The following HIVEP3 variants were observed in gnomAD, a reference collection of about 807,000 sequenced individuals.
HIVEP3 encodes the protein HIVEP zinc finger 3.
A neutral mutation model predicts 152.8 loss-of-function variants in HIVEP3; 49 were observed. The ratio of observed to expected loss-of-function variants is 0.32; its 90% CI spans 0.26 to 0.41. HIVEP3 has a LOEUF of 0.41. HIVEP3 is among the 10% of genes least tolerant of loss of function. The pLI, the probability that HIVEP3 is intolerant of heterozygous loss-of-function variation, is 1.00. For synonymous variants in HIVEP3, 1,269 were observed against 1,289.0 expected, an observed-to-expected ratio of 0.98 and a Z score of 0.33; for missense variants, 2,790 against 3,103.3, an observed-to-expected ratio of 0.90 and a Z score of 2.40.
chr1:41,831,444 T>C (rs1642962742), intron 1 of HIVEP3, among the ~76,000 whole-genome samples: 1 of 152,250 alleles, frequency 6.6e-6, no homozygotes, highest in Non-Finnish European at 1.5e-5. Flanking sequence ...TTGTTCTGTC[T>C]ATAAACTACA....
intron 2 of HIVEP3, among the ~76,000 whole-genome samples, chr1:41,655,791 G>T (rs953966676): frequency 6.6e-6 from 1 of 152,012 alleles, no homozygotes; most frequent in East Asian, 1.9e-4. Context: ...CCCAGTTGTG[G>T]TCTGTTTTGG....
At chr1:41,893,624 C>G (rs955838116) in intron 1 of HIVEP3, among the ~76,000 whole-genome samples, 4 of 151,984 alleles carry the variant, frequency 2.6e-5, no homozygotes, top group African/African-American at 9.7e-5. Flanking sequence ...GGCTCAAATT[C>G]TAACATCACT....
chr1:41,522,200 G>A (rs1397155653), intron 6 of HIVEP3, among the ~76,000 whole-genome samples: 1 of 152,174 alleles, frequency 6.6e-6, no homozygotes, highest in African/African-American at 2.4e-5. Flanking sequence ...CTGAGCTGAT[G>A]GCTGACGGGG....
chr1:41,934,846 C>G (rs982041938), intron 1 of HIVEP3, among the ~76,000 whole-genome samples: 3 of 152,096 alleles, frequency 2.0e-5, no homozygotes, highest in African/African-American at 7.2e-5. Flanking sequence ...AAGCATCTAC[C>G]AGCCTGCAAT....
At chr1:41,988,329 C>T (rs1166210137) in intron 1 of HIVEP3, among the ~76,000 whole-genome samples, 1 of 152,108 alleles carries the variant, frequency 6.6e-6, no homozygotes, top group Non-Finnish European at 1.5e-5. Flanking sequence ...GCAAACCAAT[C>T]ATCTGATATG....
chr1:41,607,440 C>T (rs16828453), intron 3 of HIVEP3, among the ~76,000 whole-genome samples: 1 of 152,254 alleles, frequency 6.6e-6, no homozygotes, highest in South Asian at 2.1e-4. Flanking sequence ...TCCAATTGTG[C>T]TATCTTCATA....
At chr1:41,534,300 C>T (rs1367040449) in intron 5 of HIVEP3, among the ~76,000 whole-genome samples, 1 of 152,140 alleles carries the variant, frequency 6.6e-6, no homozygotes, top group Non-Finnish European at 1.5e-5. Context: ...ACCATCTGCC[C>T]TTGCCACCTC....
intron 1 of HIVEP3, among the ~76,000 whole-genome samples, chr1:41,958,436 G>A (rs925651192): frequency 1.3e-5 from 2 of 152,226 alleles, no homozygotes; most frequent in South Asian, 4.1e-4. Context: ...GGGCAGAGCT[G>A]TAAATCTTGA....
rs573430239 is a variant in HIVEP3, at chr1:41,941,466, ATGCC to A, written n.120-22946_120-22943del. ...CAGAGAAGAAGGAAAGGGGGTGTAA[ATGCC>A]TGCATGGTGATAAATTTGGTGGTGG... is the stretch of plus-strand genomic sequence containing the variant. On this transcript the variant is annotated intron_variant and non_coding_transcript_variant, in intron 1 of 3. Coordinates refer to the HIVEP3 transcript ENST00000489103. Among the ~76,000 whole-genome samples, 20 of 152,296 alleles carry A rather than the reference ATGCC, an allele frequency of 1.3e-4. 1 individual carries two copies. The South Asian group carries it at 4.1e-3, about 32-fold the overall frequency.
chr1:41,961,787 G>C (rs960939150), intron 1 of HIVEP3, among the ~76,000 whole-genome samples: 1 of 152,216 alleles, frequency 6.6e-6, no homozygotes, highest in Admixed American at 6.5e-5. Flanking sequence ...TTGTAATTAG[G>C]TGGGCTTTAT....
rs150820994 is a variant in HIVEP3 at position 41,723,255 on chromosome 1, T to C, written c.-800-22260A>G. Among the ~76,000 whole-genome samples, 11 of 152,154 alleles carry C rather than the reference T, an allele frequency of 7.2e-5. No homozygotes were observed. The East Asian group carries it at 2.1e-3, about 29-fold the overall frequency. On this transcript the variant is annotated intron_variant, in intron 1 of 8. Coordinates refer to ENST00000372583, the MANE Select transcript of HIVEP3 (RefSeq NM_024503.5). ...TGCCAGATCTTGAGTCACTTGATTT[T>C]CCTTGGGGGTTGGGGGATCAGGAAT...
chr1:41,839,582 T>C (rs1167045640), intron 1 of HIVEP3, among the ~76,000 whole-genome samples: 1 of 152,164 alleles, frequency 6.6e-6, no homozygotes, highest in Non-Finnish European at 1.5e-5. Flanking sequence ...GGGATGGAAC[T>C]AACAAATCGC....
intron 2 of HIVEP3, among the ~76,000 whole-genome samples, chr1:41,648,994 C>G (rs192957038): frequency 6.6e-6 from 1 of 152,358 alleles, no homozygotes; most frequent in East Asian, 1.9e-4. Context: ...CTTGTCTGCA[C>G]AGCAGAGCCT....
At chr1:41,956,814 G>A (rs1230574586) in intron 1 of HIVEP3, among the ~76,000 whole-genome samples, 1 of 152,138 alleles carries the variant, frequency 6.6e-6, no homozygotes, top group African/African-American at 2.4e-5. Context: ...GCTACAATAT[G>A]AACCATGGAG....
At chr1:41,850,450 G>A (rs1643564895) in intron 1 of HIVEP3, among the ~76,000 whole-genome samples, 1 of 152,164 alleles carries the variant, frequency 6.6e-6, no homozygotes, top group Non-Finnish European at 1.5e-5. Flanking sequence ...AGCTTAGAGA[G>A]GGTAACTTGC....
chr1:41,513,689 C>G lies in HIVEP3; in HGVS notation c.5532G>C (p.Glu1844Asp), dbSNP rs199788853. The G allele has an allele frequency of 4.7e-5, 75 of 1,610,836 alleles. 1 individual carries two copies. The East Asian group carries it at 1.5e-3, about 32-fold the overall frequency. ...EGREGSEAVE[E>D]HQFSDLEDSD... ...AGTCCTCCAGGTCCGAAAACTGGTG[C>G]TCCTCCACAGCCTCTGAACCCTCTC... The change falls in exon 8 of 9, where the codon GAG (glutamate) becomes GAC (aspartate). Residue 1844 changes from glutamate (E) to aspartate (D), a missense_variant. Glu to Asp is a conservative substitution (Grantham distance 45). Transcript: ENST00000372583.
intron 1 of HIVEP3, among the ~76,000 whole-genome samples, chr1:41,937,821 T>C (rs1019767717): frequency 6.6e-6 from 1 of 152,220 alleles, no homozygotes; most frequent in South Asian, 2.1e-4. Context: ...CTGAGAATCC[T>C]AACTGGTGCA....
intron 1 of HIVEP3, among the ~76,000 whole-genome samples, chr1:41,867,615 G>A (rs552923912): frequency 6.6e-6 from 1 of 152,332 alleles, no homozygotes; most frequent in Admixed American, 6.5e-5. Context: ...GATCATGAGT[G>A]ATTCTGTCTC....
At chr1:41,753,101 G>A (rs1326101336) in intron 1 of HIVEP3, among the ~76,000 whole-genome samples, 2 of 152,168 alleles carry the variant, frequency 1.3e-5, no homozygotes, top group Non-Finnish European at 2.9e-5. Flanking sequence ...TGAGAACAGT[G>A]GCAGGTAACT....
Sources: gnomAD v4.1 joint callset for allele counts (sites outside exome capture counted in the v4.1 genomes callset) on GRCh38, gnomAD v4.1.1 for gene constraint, MANE v1.5 for transcripts, NCBI Gene and HGNC (gene_info 2026-07-23, HGNC 2026-07-21) for gene names.